Variants in ABCC5 observed in about 807,000 individuals in gnomAD.
ABCC5 encodes the protein ATP-binding cassette sub-family C member 5.
ABCC5 carries 61 observed loss-of-function variants against 160.9 expected under a neutral mutation model. The ratio of observed to expected loss-of-function variants is 0.38; its 90% CI spans 0.31 to 0.47. The LOEUF (loss-of-function observed/expected upper bound fraction) is 0.47, where lower values mean the gene tolerates loss of function less well. ABCC5 is among the 20% of genes least tolerant of loss of function. The pLI, the probability that ABCC5 is intolerant of heterozygous loss-of-function variation, is 0.99. For synonymous variants in ABCC5, 666 were observed against 700.6 expected (o/e 0.95, Z 0.78); for missense variants, 1,308 against 1,813.3 (o/e 0.72, Z 5.06).
At chr3:184,009,573 A>G (rs578089428) in intron 2 of ABCC5, among the ~76,000 whole-genome samples, 18 of 152,370 alleles carry the variant, frequency 1.2e-4, no homozygotes, top group African/African-American at 4.3e-4. Flanking sequence ...AACTTGTAAC[A>G]TGAAGACAAG....
At chr3:184,014,576 CAAAAATTAATTTTCAAA>C in intron 1 of ABCC5, 129 bp from the exon 2 acceptor site, 1 of 422,650 alleles carries the variant, frequency 2.4e-6, no homozygotes, top group East Asian at 4.6e-5. Flanking sequence ...GTTATAGCTA[CAAAAATTAATTTTCAAA>C]AAAAGTTCAA....
chr3:183,957,895 C>T (rs1434652610), intron 17 of ABCC5, among the ~76,000 whole-genome samples: 6 of 121,382 alleles, frequency 4.9e-5, no homozygotes, highest in African/African-American at 1.2e-4. Flanking sequence ...TATATCACAT[C>T]GGTTACATGC....
intron 2 of ABCC5, among the ~76,000 whole-genome samples, chr3:183,992,613 G>A (rs1183919935): frequency 1.3e-5 from 2 of 151,754 alleles, no homozygotes; most frequent in Non-Finnish European, 2.9e-5. Flanking sequence ...GTGAAACCCC[G>A]TCTCTACTAA....
At chr3:184,010,127 TAACAGAG>T (rs1721590734) in intron 2 of ABCC5, 1 of 238,610 alleles carries the variant, frequency 4.2e-6, no homozygotes, top group Non-Finnish European at 8.6e-6. Context: ...GCCAATGTGG[TAACAGAG>T]AACAGCAGGT....
chr3:184,016,200 G>A (rs928693813), intron 1 of ABCC5, among the ~76,000 whole-genome samples: 2 of 152,154 alleles, frequency 1.3e-5, no homozygotes, highest in Admixed American at 6.5e-5. Flanking sequence ...AATAATGACT[G>A]TTTTGTGCCT....
At chr3:183,929,469 T>G (rs553921734) in intron 26 of ABCC5, among the ~76,000 whole-genome samples, 7 of 152,134 alleles carry the variant, frequency 4.6e-5, no homozygotes, top group African/African-American at 1.7e-4. Context: ...AATAAATCTC[T>G]CCATACGTAC....
chr3:184,010,791 T>C (rs1383649033), intron 2 of ABCC5: 1 of 114,050 alleles, frequency 8.8e-6, no homozygotes, highest in Non-Finnish European at 1.8e-5. Context: ...TCAAAATCAT[T>C]CTTCTTCTTT....
rs772438681 is a variant in ABCC5 at position 183,989,349 on chromosome 3, C to T, written c.164G>A (p.Arg55Gln). The change falls in exon 3 of 30, where the codon CGA (arginine) becomes CAA (glutamine). Residue 55 changes from arginine (R) to glutamine (Q), a missense_variant. Arg to Gln is a conservative substitution (Grantham distance 43). Around this residue, in one of 3 missense-constraint regions of ABCC5, gnomAD observed 1,142 missense variants for 1,527.1 expected, o/e 0.75. Coordinates refer to ENST00000334444, the MANE Select transcript of ABCC5 (RefSeq NM_005688.4). Reference sequence around the variant, plus strand: ...GGCATCAAGAGAGAGGCCCTCGGCTCGGGCTGCTGTTTCCAAGGCATCTTG... The same window carrying T: ...GGCATCAAGAGAGAGGCCCTCGGCTTGGGCTGCTGTTTCCAAGGCATCTTG... Reference protein sequence around the residue: ...ECQDALETAARAEGLSLDASM... With the variant: ...ECQDALETAAQAEGLSLDASM... 7 of 1,613,872 alleles carry T rather than the reference C, an allele frequency of 4.3e-6. No individual in the cohort carries two copies. In the East Asian group the frequency reaches 6.7e-5, roughly 15 times the overall value.
In ABCC5 at chr3:183,987,965, C is replaced by G. The variant is rs199530795; in HGVS notation, c.444-48G>C. 6.3e-7 allele frequency: 1 copy of G among 1,596,744 alleles called. No homozygotes were observed. ...GTTACACATCTCCTCGGGGGAAAGG[C>G]ACACCTAGCTCCCCGCCTGCCACCA... On this transcript the variant is annotated intron_variant, in intron 4 of 29. Transcript: ENST00000334444. This position sits in a 1 kb window ranked among gnomAD's most constrained non-coding sequence, Gnocchi z 4.2.
At chr3:183,934,280 G>A (rs544259734) in intron 26 of ABCC5, among the ~76,000 whole-genome samples, 53 of 152,280 alleles carry the variant, frequency 3.5e-4, no homozygotes, top group African/African-American at 9.6e-4. Flanking sequence ...GCAACAGAGC[G>A]AGACTCTGTC....
In ABCC5 at chr3:183,965,197, G is replaced by A. The variant is rs755450699; in HGVS notation, c.2019C>T (p.Ser673=). ...LRPDLAILPS[S]DLTEIGERGA... is the part of the protein sequence containing the mutation. ...GGAAGGCCTGTACCTCCGTCAGGTC[G>A]CTGCTGGGAAGAATGGCCAGGTCAG... is the stretch of plus-strand genomic sequence containing the variant. Residue 673 remains serine, a synonymous_variant, in exon 14 of 30, where the codon AGC becomes AGT. Coordinates refer to ENST00000334444, the MANE Select transcript of ABCC5 (RefSeq NM_005688.4). 63 of 1,614,014 alleles carry A rather than the reference G, an allele frequency of 3.9e-5. No individual in the cohort carries two copies. The highest frequency in any genetic ancestry group is 5.3e-5 in the Non-Finnish European group (62 of 1,180,002).
intron 26 of ABCC5, among the ~76,000 whole-genome samples, chr3:183,929,080 A>G (rs1712903011): frequency 6.6e-6 from 1 of 152,232 alleles, no homozygotes; most frequent in South Asian, 2.1e-4. Flanking sequence ...AGAACAATTT[A>G]TAAATGCAAA....
Position 183,987,328 on chromosome 3 carries a change from C to T in ABCC5, c.591+442G>A, listed in dbSNP as rs969651430. On this transcript the variant is annotated intron_variant, in intron 5 of 29. Transcript: ENST00000334444. This position sits in a 1 kb window ranked among gnomAD's most constrained non-coding sequence, Gnocchi z 4.2. Reference sequence around the variant, plus strand: ...AAATCCTCGACAGTCCTCTAGTTTTCTCAGGGCTTATTTGCCACAGACCTG... The same window carrying T: ...AAATCCTCGACAGTCCTCTAGTTTTTTCAGGGCTTATTTGCCACAGACCTG... The T allele has an allele frequency of 8.7e-6, 3 of 345,554 alleles. No individual in the cohort carries two copies. Among genetic ancestry groups the T allele is most frequent in the Middle Eastern group, 1.6e-3 (2 of 1,220 alleles). The allele number at this position is 345,554 out of a possible 1,614,324, so 21.4% of individuals were successfully genotyped here.
At chr3:183,947,612 A>G in intron 22 of ABCC5, 102 bp from the exon 23 acceptor site, 1 of 946,624 alleles carries the variant, frequency 1.1e-6, no homozygotes, top group Non-Finnish European at 1.5e-6. Context: ...GTATTTAAAT[A>G]CTTCCTGTTT....
intron 5 of ABCC5, chr3:183,985,623 C>T (rs1213426339): frequency 3.5e-6 from 2 of 575,376 alleles, no homozygotes; most frequent in African/African-American, 1.9e-5. Context: ...TCTTTATACA[C>T]AGATCATAGG....
intron 23 of ABCC5, among the ~76,000 whole-genome samples, chr3:183,946,965 A>G (rs1211224401): frequency 1.3e-5 from 2 of 152,220 alleles, no homozygotes; most frequent in Non-Finnish European, 2.9e-5. Context: ...TTGAGTCTAT[A>G]ACATTTCTTA....
rs1363704521 is a variant in ABCC5 at position 183,988,518 on chromosome 3, T to C, written c.443+54A>G. The C allele has an allele frequency of 6.4e-7, 1 of 1,567,338 alleles. No homozygotes were observed. Among genetic ancestry groups the C allele is most frequent in the East Asian group, 2.2e-5 (1 of 44,700 alleles). ...GAGCTGTGGACTTCACACTCCTAGCTCAGGCCCTGCCCACCCGGCATGGGG... is the reference window on the plus strand; with the variant it reads ...GAGCTGTGGACTTCACACTCCTAGCCCAGGCCCTGCCCACCCGGCATGGGG... On this transcript the variant is annotated intron_variant, in intron 4 of 29. Transcript: ENST00000334444. This position sits in a 1 kb window ranked among gnomAD's most constrained non-coding sequence, Gnocchi z 4.4.
intron 25 of ABCC5, among the ~76,000 whole-genome samples, chr3:183,942,047 CT>C (rs71240299): frequency 0.2 from 29,277 of 149,242 alleles, 2,961 homozygotes; most frequent in East Asian, 0.42. Context: ...CATTTCTTTT[CT>C]TTTTTTTTTG....
Position 183,984,849 on chromosome 3 carries a change from T to C in ABCC5, c.592-1842A>G, listed in dbSNP as rs570674801. ...AGTAAGATGGCGGTGCAGTGAAGCC[T>C]GTTCCCACACACCTCGGCACTGATG... On this transcript the variant is annotated intron_variant, in intron 5 of 29. Transcript: ENST00000334444. 245 of 1,587,938 alleles carry C rather than the reference T, an allele frequency of 1.5e-4. No individual in the cohort carries two copies. The Middle Eastern group carries it at 3.6e-3, about 24-fold the overall frequency.
Sources: allele counts gnomAD v4.1 joint callset (sites outside exome capture counted in the v4.1 genomes callset), GRCh38; gene constraint gnomAD v4.1.1; regional missense constraint gnomAD v4.1.1; non-coding constraint Gnocchi (gnomAD v3.1); transcripts MANE v1.5; gene names NCBI Gene and HGNC (gene_info 2026-07-23, HGNC 2026-07-21).